The following ROBO2 variants were observed in gnomAD, a reference collection of about 807,000 sequenced individuals.
The protein encoded by ROBO2 is roundabout homolog 2.
A neutral mutation model predicts 160.8 loss-of-function variants in ROBO2; 53 were observed. That is an observed-to-expected ratio of 0.33 (90% confidence interval 0.26 to 0.41). The LOEUF (loss-of-function observed/expected upper bound fraction) is 0.41. Ranked by LOEUF, ROBO2 falls within the 10% of genes least tolerant of loss-of-function variation. The pLI is 1.00. For synonymous variants in ROBO2, 664 were observed against 611.7 expected, an observed-to-expected ratio of 1.09 and a Z score of -1.26; for missense variants, 1,577 against 1,722.4, an observed-to-expected ratio of 0.92 and a Z score of 1.49.
chr3:77,082,085 A>G (rs2068726343), intron 1 of ROBO2, among the ~76,000 whole-genome samples: 1 of 152,204 alleles, frequency 6.6e-6, no homozygotes, highest in Non-Finnish European at 1.5e-5. Flanking sequence ...CTTGGTCATA[A>G]TAAGAGACTG....
chr3:76,805,828 G>A (rs546597308), intron 2 of ROBO2, among the ~76,000 whole-genome samples: 5 of 151,984 alleles, frequency 3.3e-5, no homozygotes, highest in Admixed American at 1.3e-4. Context: ...ATAGCCATTG[G>A]TGTCTTAAAT....
At chr3:77,391,801 C>T (rs2074764183) in intron 2 of ROBO2, among the ~76,000 whole-genome samples, 1 of 152,098 alleles carries the variant, frequency 6.6e-6, no homozygotes, top group African/African-American at 2.4e-5. Flanking sequence ...TCACATGATC[C>T]TCCCAGCTCG....
chr3:76,154,710 G>A (rs1336964339), intron 2 of ROBO2, among the ~76,000 whole-genome samples: 2 of 151,978 alleles, frequency 1.3e-5, no homozygotes, highest in African/African-American at 4.8e-5. Flanking sequence ...AGTAAATTAC[G>A]CCACTAAATT....
intron 1 of ROBO2, among the ~76,000 whole-genome samples, chr3:75,933,911 G>A (rs1031671412): frequency 7.2e-5 from 11 of 152,090 alleles, no homozygotes; most frequent in African/African-American, 2.4e-4. Context: ...GGTACCTGTA[G>A]ATGTAATGCA....
chr3:76,582,140 T>C (rs552902845), intron 2 of ROBO2, among the ~76,000 whole-genome samples: 1 of 152,256 alleles, frequency 6.6e-6, no homozygotes, highest in East Asian at 1.9e-4. Context: ...TTCTTAACAT[T>C]AAATTAAGTG....
Position 77,510,390 on chromosome 3 carries a change from G to A in ROBO2, c.807-12385G>A, listed in dbSNP as rs7611441. 6.1e-3 allele frequency among the ~76,000 whole-genome samples: 932 copies of A among 152,118 alleles called. 14 individuals are homozygous for A. The highest frequency in any genetic ancestry group is 0.021 in the African/African-American group (887 of 41,524). On this transcript the variant is annotated intron_variant, in intron 5 of 25. Coordinates refer to ENST00000461745, the Ensembl canonical transcript of ROBO2. ...ACATGGAGGAAGAGGTTCAGTCTGT[G>A]AACTGAATAAGTGAGGAAGACACAA...
intron 2 of ROBO2, among the ~76,000 whole-genome samples, chr3:76,603,598 A>G (rs976283758): frequency 2.8e-4 from 43 of 151,702 alleles, no homozygotes; most frequent in African/African-American, 9.7e-4. Context: ...TTTCCAAAAT[A>G]AAACCACTAG....
intron 2 of ROBO2, among the ~76,000 whole-genome samples, chr3:77,224,448 A>T (rs1407038453): frequency 6.6e-6 from 1 of 151,982 alleles, no homozygotes; most frequent in South Asian, 2.1e-4. Flanking sequence ...ACAAATCCTT[A>T]TCAGCCTTAG....
chr3:76,704,967 G>C (rs2093129657), intron 2 of ROBO2, among the ~76,000 whole-genome samples: 1 of 152,102 alleles, frequency 6.6e-6, no homozygotes, highest in Non-Finnish European at 1.5e-5. Context: ...CTAACCAGGG[G>C]CCTGTGGACT....
At chr3:75,916,943 G>A (rs1246088170) in intron 1 of ROBO2, among the ~76,000 whole-genome samples, 1 of 151,420 alleles carries the variant, frequency 6.6e-6, no homozygotes, top group Admixed American at 6.6e-5. Flanking sequence ...CACTCATAAT[G>A]TACATATATG....
intron 2 of ROBO2, among the ~76,000 whole-genome samples, chr3:76,710,713 C>T (rs562785450): frequency 1.8e-4 from 28 of 152,170 alleles, no homozygotes; most frequent in African/African-American, 6.7e-4. Flanking sequence ...TGAAGGATTA[C>T]TTTTTTGTTT....
At chr3:77,430,639 G>GCTGC (rs2078672479) in intron 2 of ROBO2, among the ~76,000 whole-genome samples, 1 of 151,882 alleles carries the variant, frequency 6.6e-6, no homozygotes, top group Non-Finnish European at 1.5e-5. Flanking sequence ...GCCCCAGAGA[G>GCTGC]CTGCCTTGCT....
At chr3:77,069,854 C>G (rs145699469) in intron 1 of ROBO2, among the ~76,000 whole-genome samples, 1 of 152,094 alleles carries the variant, frequency 6.6e-6, no homozygotes, top group African/African-American at 2.4e-5. Context: ...GGGAAGAGCG[C>G]TGATATGTGT....
intron 2 of ROBO2, among the ~76,000 whole-genome samples, chr3:76,168,991 T>G (rs1331076055): frequency 1.3e-5 from 2 of 152,026 alleles, no homozygotes; most frequent in African/African-American, 4.8e-5. Flanking sequence ...GTGCACTTAA[T>G]GATTCCCTGT....
chr3:76,918,685 C>T (rs1430591888), intron 2 of ROBO2, among the ~76,000 whole-genome samples: 3 of 152,304 alleles, frequency 2.0e-5, no homozygotes, highest in African/African-American at 4.8e-5. Context: ...TTCAACACTT[C>T]ATTTTCAGTC....
chr3:76,074,373 A>G (rs1233931399), intron 2 of ROBO2, among the ~76,000 whole-genome samples: 3 of 152,256 alleles, frequency 2.0e-5, no homozygotes, highest in African/African-American at 4.8e-5. Flanking sequence ...TCATTAAGGC[A>G]GGGCAAGAGA....
intron 2 of ROBO2, among the ~76,000 whole-genome samples, chr3:76,748,454 A>C (rs1056470900): frequency 1.3e-5 from 2 of 151,776 alleles, no homozygotes; most frequent in Non-Finnish European, 1.5e-5. Context: ...GTTTAAAAAC[A>C]ACTGGTACTG....
chr3:77,125,649 G>A (rs1158604244), intron 2 of ROBO2, among the ~76,000 whole-genome samples: 3 of 152,110 alleles, frequency 2.0e-5, no homozygotes, highest in Non-Finnish European at 4.4e-5. Context: ...TTTTCAGCAT[G>A]AGGAAATATG....
intron 2 of ROBO2, among the ~76,000 whole-genome samples, chr3:76,534,852 T>C (rs1396080710): frequency 6.6e-6 from 1 of 151,820 alleles, no homozygotes; most frequent in Non-Finnish European, 1.5e-5. Context: ...AGTCAGAGCA[T>C]TGAGAGGTGA....
Sources: gnomAD v4.1 joint callset for allele counts (sites outside exome capture counted in the v4.1 genomes callset) on GRCh38, gnomAD v4.1.1 for gene constraint, MANE v1.5 for transcripts, NCBI Gene and HGNC (gene_info 2026-07-23, HGNC 2026-07-21) for gene names.